Variants in PLXNB2 observed in about 807,000 individuals in gnomAD.
The protein encoded by PLXNB2 is plexin B2.
In PLXNB2, 85 loss-of-function variants were observed where a neutral mutation model predicts 202.6. That is an observed-to-expected ratio of 0.42 (90% confidence interval 0.35 to 0.50). The LOEUF (loss-of-function observed/expected upper bound fraction) is 0.50, where lower values mean the gene tolerates loss of function less well. Ranked by LOEUF, PLXNB2 falls within the 20% of genes least tolerant of loss-of-function variation. PLXNB2 has a pLI of 0.02. For synonymous variants in PLXNB2, 1,239 were observed against 1,137.6 expected, an observed-to-expected ratio of 1.09 and a Z score of -1.79; for missense variants, 2,063 against 2,586.2, an observed-to-expected ratio of 0.80 and a Z score of 4.39.
At chr22:50,299,226 G>A (rs564639133) in intron 1 of PLXNB2, among the ~76,000 whole-genome samples, 3 of 150,958 alleles carry the variant, frequency 2.0e-5, no homozygotes, top group Non-Finnish European at 4.4e-5. Context: ...GGGCGGTGGA[G>A]AAGGCAGAGG....
rs1333488993 is a variant in PLXNB2, at chr22:50,286,252, G to A, written c.1798C>T (p.Arg600Ter). ...TAGGACGTGAGGAAGATGTTGCCTC[G>A]TCTAAGGAGGAGCTGGATGGTCACG... is the stretch of plus-strand genomic sequence containing the variant. ...VAVTIQLLLR[R>*]GNIFLTSYQY... The change falls in exon 9 of 37, where the codon CGA becomes TGA. Residue 600 changes from arginine (R) to a stop codon, truncating the protein, a stop_gained. Coordinates refer to ENST00000359337, the MANE Select transcript of PLXNB2 (RefSeq NM_012401.4). LOFTEE classifies it high-confidence loss of function. 2 of 1,613,228 alleles carry A rather than the reference G, an allele frequency of 1.2e-6. No individual in the cohort carries two copies. Among genetic ancestry groups the A allele is most frequent in the South Asian group, 1.1e-5 (1 of 91,086 alleles).
At chr22:50,296,590 CAAAAAAAA>C (rs34197202) in intron 1 of PLXNB2, among the ~76,000 whole-genome samples, 1 of 56,436 alleles carries the variant, frequency 1.8e-5, no homozygotes, top group East Asian at 5.6e-4. Context: ...GACTCTGTCT[CAAAAAAAA>C]AAAAAAAAAA....
Position 50,284,062 on chromosome 22 carries a change from C to T in PLXNB2, c.2263+70G>A. 2 of 1,531,226 alleles carry T rather than the reference C, an allele frequency of 1.3e-6. No homozygotes were observed. Among genetic ancestry groups the T allele is most frequent in the Non-Finnish European group, 1.8e-6 (2 of 1,141,594 alleles). The allele number at this position is 1,531,226 out of a possible 1,614,324, so 94.9% of individuals were successfully genotyped here. ...CCGACCTGCTCCCCACTGCGCCCACCTGTCCCCCCACCCACCGCCTTGTGC... is the reference window on the plus strand; with the variant it reads ...CCGACCTGCTCCCCACTGCGCCCACTTGTCCCCCCACCCACCGCCTTGTGC... On this transcript the variant is annotated intron_variant, in intron 13 of 36. Coordinates refer to ENST00000359337, the MANE Select transcript of PLXNB2 (RefSeq NM_012401.4). This position sits in a 1 kb window ranked among gnomAD's most constrained non-coding sequence, Gnocchi z 8.0.
At chr22:50,292,871 C>T (rs910175588) in intron 2 of PLXNB2, among the ~76,000 whole-genome samples, 8 of 152,232 alleles carry the variant, frequency 5.3e-5, no homozygotes, top group African/African-American at 1.9e-4. Context: ...TTCCTGCTCC[C>T]TGGGAGTGCA....
chr22:50,278,103 C>T lies in PLXNB2; in HGVS notation c.4887+14G>A, dbSNP rs963015622. On this transcript the variant is annotated intron_variant, in intron 31 of 36. Coordinates refer to ENST00000359337, the MANE Select transcript of PLXNB2 (RefSeq NM_012401.4). ...TGGCGGCCTGGTGCCGCCCACACACCCATGGGGGCCCACCTTGACTGAGAG... is the reference window on the plus strand; with the variant it reads ...TGGCGGCCTGGTGCCGCCCACACACTCATGGGGGCCCACCTTGACTGAGAG... 5 of 1,602,778 alleles carry T rather than the reference C, an allele frequency of 3.1e-6. No homozygotes were observed. The African/African-American group carries it at 6.7e-5, about 21-fold the overall frequency.
chr22:50,280,437 C>T (rs1332075943), intron 25 of PLXNB2, 52 bp downstream of exon 25: 2 of 1,520,390 alleles, frequency 1.3e-6, no homozygotes, highest in East Asian at 4.6e-5. Context: ...AGCCCCAGAG[C>T]CCCTGCGGCC....
intron 35 of PLXNB2, 132 bp downstream of exon 35, chr22:50,276,497 A>T: frequency 1.3e-6 from 1 of 763,486 alleles, no homozygotes; most frequent in South Asian, 1.5e-5. Flanking sequence ...GGCCGAGCCC[A>T]CCTCGAGGTC....
chr22:50,294,436 C>T (rs777476788), intron 2 of PLXNB2, among the ~76,000 whole-genome samples: 4 of 152,274 alleles, frequency 2.6e-5, no homozygotes, highest in East Asian at 1.9e-4. Flanking sequence ...TCCCAGAACC[C>T]GGTGCCACAG....
In PLXNB2 at chr22:50,280,733, G is replaced by A. The variant is rs772874746; in HGVS notation, c.3993+11C>T. The A allele has an allele frequency of 1.6e-5, 14 of 854,664 alleles. No individual in the cohort carries two copies. Among genetic ancestry groups the A allele is most frequent in the Middle Eastern group, 2.6e-4 (1 of 3,900 alleles). The allele number at this position is 854,664 out of a possible 1,614,324, so 52.9% of individuals were successfully genotyped here. On this transcript the variant is annotated intron_variant, in intron 24 of 36. Transcript: ENST00000359337. Reference sequence around the variant, plus strand: ...CTGTGTGCCCTCCCGCCCGCCCGACGCCTGGCTCACATTGATGAGGAAAGA... The same window carrying A: ...CTGTGTGCCCTCCCGCCCGCCCGACACCTGGCTCACATTGATGAGGAAAGA...
At chr22:50,276,451 C>A (rs1354428476) in intron 35 of PLXNB2, among the ~76,000 whole-genome samples, 178 bp downstream of exon 35, 1 of 41,376 alleles carries the variant, frequency 2.4e-5, no homozygotes, top group Non-Finnish European at 5.9e-5. Flanking sequence ...AGGAGCAGCT[C>A]ATACTCCCCA....
chr22:50,299,398 G>A (rs2147684505), intron 1 of PLXNB2, among the ~76,000 whole-genome samples: 1 of 152,252 alleles, frequency 6.6e-6, no homozygotes, highest in Non-Finnish European at 1.5e-5. Context: ...GAGAGTGGCT[G>A]TCCCGGAACG....
chr22:50,301,870 G>A (rs1367160764), intron 1 of PLXNB2, among the ~76,000 whole-genome samples: 3 of 152,234 alleles, frequency 2.0e-5, no homozygotes, highest in South Asian at 4.1e-4. Context: ...GGGGCACCGC[G>A]CCAAGCCTGT....
chr22:50,282,138 C>A (rs747003792), intron 19 of PLXNB2, 46 bp downstream of exon 19: 22 of 1,603,260 alleles, frequency 1.4e-5, no homozygotes, highest in Non-Finnish European at 1.8e-5. Context: ...TTCCTGGGCA[C>A]GATCCCATGG....
chr22:50,275,683 G>A lies in PLXNB2; in HGVS notation c.*21C>T, dbSNP rs1404968836. The A allele has an allele frequency of 2.6e-6, 4 of 1,520,760 alleles. No homozygotes were observed. In the South Asian group the frequency reaches 4.8e-5, roughly 18 times the overall value. 94.2% of individuals were successfully genotyped at this position (1,520,760 alleles called of 1,614,324 possible). A position where few individuals can be genotyped will look rare whatever the true frequency, so the allele number is the denominator to read the frequency against. On this transcript the variant is annotated 3_prime_UTR_variant, in exon 37 of 37. Coordinates refer to ENST00000359337, the MANE Select transcript of PLXNB2 (RefSeq NM_012401.4). ...GGTACCTCAGGTACCTATGTCCCAA[G>A]GCAGCACTGGAGATTGTAGGTCAGA...
In PLXNB2 at chr22:50,280,611, C is replaced by A. The variant is rs202112451; in HGVS notation, c.4053G>T (p.Ala1351=). The A allele has an allele frequency of 5.0e-6, 8 of 1,612,708 alleles. No individual in the cohort carries two copies. In the African/African-American group the frequency reaches 1.1e-4, roughly 21 times the overall value. Residue 1351 remains alanine, a synonymous_variant, in exon 25 of 37, where the codon GCG becomes GCT. Coordinates refer to ENST00000359337, the MANE Select transcript of PLXNB2 (RefSeq NM_012401.4). ...CGTGCAGCGCCACCGTCAGCAGGGA[C>A]GCGAAGTAGACCTTGGCGCGGGCCG... ...EFSARAKVYF[A]SLLTVALHGK...
In PLXNB2 at chr22:50,278,480, C is replaced by A; in HGVS notation, c.4687G>T (p.Val1563Phe). The change falls in exon 30 of 37, where the codon GTC (valine) becomes TTC (phenylalanine). Residue 1563 changes from valine (V) to phenylalanine (F), a missense_variant. Transcript: ENST00000359337. ...GATLILSKVG[V>F]SQQPEDSQQD... ...TGGCTGTCCTCCGGCTGCTGGGAGA[C>A]CCCCACCTTGGACAGGATGAGGGTG... 2 of 1,561,370 alleles carry A rather than the reference C, an allele frequency of 1.3e-6. No homozygotes were observed. The highest frequency in any genetic ancestry group is 2.4e-5 in the East Asian group (1 of 41,640).
chr22:50,280,851 C>T lies in PLXNB2; in HGVS notation c.3886G>A (p.Val1296Met), dbSNP rs760877226. 6.2e-6 allele frequency: 10 copies of T among 1,613,330 alleles called. No individual in the cohort carries two copies. Among genetic ancestry groups the T allele is most frequent in the South Asian group, 1.1e-5 (1 of 91,080 alleles). ...FLPSKDGDKD[V>M]MITGKLDIPE... Reference sequence around the variant, plus strand: ...ATGTCCAGCTTGCCGGTGATCATCACGTCCTTGTCGCCGTCCTTGGAGGGC... The same window carrying T: ...ATGTCCAGCTTGCCGGTGATCATCATGTCCTTGTCGCCGTCCTTGGAGGGC... The change falls in exon 24 of 37, where the codon GTG (valine) becomes ATG (methionine). Residue 1296 changes from valine (V) to methionine (M), a missense_variant. Physicochemically the swap from Val to Met is conservative, Grantham distance 21. Transcript: ENST00000359337.
intron 17 of PLXNB2, 38 bp from the exon 18 acceptor site, chr22:50,282,919 C>T: frequency 4.4e-6 from 7 of 1,575,444 alleles, no homozygotes; most frequent in Non-Finnish European, 6.0e-6. Flanking sequence ...TCAACCCCTC[C>T]CCCGGGACCA....
At chr22:50,282,620 C>T (rs1451154890) in intron 18 of PLXNB2, 91 bp downstream of exon 18, 5 of 981,492 alleles carry the variant, frequency 5.1e-6, no homozygotes, top group South Asian at 3.2e-5. Flanking sequence ...AGACCAGCCC[C>T]ACCACATTCC....
Sources: allele counts gnomAD v4.1 joint callset (sites outside exome capture counted in the v4.1 genomes callset), GRCh38; gene constraint gnomAD v4.1.1; non-coding constraint Gnocchi (gnomAD v3.1); transcripts MANE v1.5; gene names NCBI Gene and HGNC (gene_info 2026-07-23, HGNC 2026-07-21).